The following RABGAP1L variants were observed in gnomAD, a reference collection of about 807,000 sequenced individuals.
RABGAP1L encodes RAB GTPase activating protein 1 like, also known as rab GTPase-activating protein 1-like.
In RABGAP1L, 63 loss-of-function variants were observed where a neutral mutation model predicts 137.7. The ratio of observed to expected loss-of-function variants is 0.46; its 90% confidence interval spans 0.37 to 0.56. The LOEUF (loss-of-function observed/expected upper bound fraction) is 0.56, where lower values mean the gene tolerates loss of function less well. RABGAP1L is among the 20% of genes least tolerant of loss of function. The pLI, the probability that RABGAP1L is intolerant of heterozygous loss-of-function variation, is 0.00. For synonymous variants in RABGAP1L, 431 were observed against 433.7 expected (o/e 0.99, Z 0.08); for missense variants, 1,095 against 1,244.0 (o/e 0.88, Z 1.80).
At chr1:174,746,637 A>T (rs1683888875) in intron 17 of RABGAP1L, among the ~76,000 whole-genome samples, 1 of 152,258 alleles carries the variant, frequency 6.6e-6, no homozygotes, top group Non-Finnish European at 1.5e-5. Flanking sequence ...ATATCCAAAT[A>T]AGAGATTTAT....
intron 14 of RABGAP1L, among the ~76,000 whole-genome samples, chr1:174,659,112 A>C (rs1454049151): frequency 6.6e-6 from 1 of 152,160 alleles, no homozygotes; most frequent in East Asian, 1.9e-4. Flanking sequence ...GACATCAGCC[A>C]GTCATTACTG....
At chr1:174,664,692 G>GTTCT (rs1210075370) in intron 14 of RABGAP1L, among the ~76,000 whole-genome samples, 1 of 139,882 alleles carries the variant, frequency 7.1e-6, no homozygotes. Flanking sequence ...TGTGATTATG[G>GTTCT]TTCTTTCTCT....
intron 19 of RABGAP1L, chr1:174,874,558 G>A: frequency 1.3e-6 from 1 of 744,160 alleles, no homozygotes; most frequent in Non-Finnish European, 1.6e-6. Flanking sequence ...TTGATCTCAG[G>A]TAATTCTCCA....
chr1:174,372,917 A>G (rs1685221754), intron 12 of RABGAP1L, among the ~76,000 whole-genome samples: 1 of 152,178 alleles, frequency 6.6e-6, no homozygotes, highest in Admixed American at 6.5e-5. Context: ...AGCCTAGTCA[A>G]AGACAAAGGC....
Position 174,991,753 on chromosome 1 carries a change from C to T in RABGAP1L, c.*1752C>T, listed in dbSNP as rs934376842. ...TCTGTGTTGGCTTTAACATTCTCTA[C>T]ATGGTGGTCTAGATAAGCTAATTTT... On this transcript the variant is annotated 3_prime_UTR_variant, in exon 26 of 26. Transcript: ENST00000681986. 7 of 149,956 alleles carry T rather than the reference C, an allele frequency of 4.7e-5. No homozygotes were observed. The highest frequency in any genetic ancestry group is 7.4e-5 in the African/African-American group (3 of 40,478). The allele number at this position is 149,956 out of a possible 1,614,324, so 9.3% of individuals were successfully genotyped here.
At chr1:174,651,199 A>G (rs1218567757) in intron 14 of RABGAP1L, among the ~76,000 whole-genome samples, 1 of 151,380 alleles carries the variant, frequency 6.6e-6, no homozygotes, top group Non-Finnish European at 1.5e-5. Flanking sequence ...GGTCTGAGAG[A>G]CAGTTTGTTA....
intron 18 of RABGAP1L, among the ~76,000 whole-genome samples, chr1:174,777,216 G>A (rs983240655): frequency 2.6e-5 from 4 of 152,262 alleles, no homozygotes; most frequent in East Asian, 1.9e-4. Context: ...GTGATGGTAT[G>A]TGGAGATAGC....
chr1:174,524,188 T>TG (rs1309290604), intron 13 of RABGAP1L, among the ~76,000 whole-genome samples: 1 of 148,802 alleles, frequency 6.7e-6, no homozygotes, highest in African/African-American at 2.4e-5. Context: ...GTTCTATTGT[T>TG]GTTGTTGTTG....
Position 174,159,632 on chromosome 1 carries a change from G to C in RABGAP1L, c.-59G>C, listed in dbSNP as rs1429805476. 2 of 152,310 alleles carry C rather than the reference G, an allele frequency of 1.3e-5. No individual in the cohort carries two copies. Among genetic ancestry groups the C allele is most frequent in the African/African-American group, 4.8e-5 (2 of 41,458 alleles). 9.4% of individuals were successfully genotyped at this position (152,310 alleles called of 1,614,324 possible). A position where few individuals can be genotyped will look rare whatever the true frequency, so the allele number is the denominator to read the frequency against. On this transcript the variant is annotated 5_prime_UTR_variant, in exon 1 of 26. Coordinates refer to ENST00000681986, the MANE Select transcript of RABGAP1L (RefSeq NM_001366446.1). ...GGGCGCCTGAAGGAGTTGTTGTCTC[G>C]GCAGCGCCCGCGGAGACGTGAAGAG...
At chr1:174,946,919 T>A (rs58442338) in intron 19 of RABGAP1L, among the ~76,000 whole-genome samples, 9,650 of 36,530 alleles carry the variant, frequency 0.26, 1,285 homozygotes, top group African/African-American at 0.47. Flanking sequence ...AAAAAAAAAA[T>A]ATATATATAT....
intron 19 of RABGAP1L, among the ~76,000 whole-genome samples, chr1:174,864,634 C>A (rs905962820): frequency 6.6e-6 from 1 of 152,188 alleles, no homozygotes; most frequent in African/African-American, 2.4e-5. Context: ...ATCTGGTCAC[C>A]TCCCATGAGG....
At chr1:174,385,298 C>T (rs1308042657) in intron 12 of RABGAP1L, among the ~76,000 whole-genome samples, 1 of 152,146 alleles carries the variant, frequency 6.6e-6, no homozygotes, top group Non-Finnish European at 1.5e-5. Flanking sequence ...CCACTGATGT[C>T]AGAGTTTTTG....
At chr1:174,603,591 T>C (rs1410897359) in intron 13 of RABGAP1L, among the ~76,000 whole-genome samples, 1 of 152,124 alleles carries the variant, frequency 6.6e-6, no homozygotes, top group East Asian at 1.9e-4. Flanking sequence ...GACAAAGTCT[T>C]TCCCACTCTT....
chr1:174,939,570 A>C (rs1211475032), intron 19 of RABGAP1L, among the ~76,000 whole-genome samples: 1 of 152,086 alleles, frequency 6.6e-6, no homozygotes, highest in Non-Finnish European at 1.5e-5. Flanking sequence ...AAAGAAAAAA[A>C]GAAATGAGTT....
intron 15 of RABGAP1L, among the ~76,000 whole-genome samples, chr1:174,686,950 C>T (rs887732184): frequency 5.3e-5 from 8 of 151,944 alleles, no homozygotes; most frequent in East Asian, 3.9e-4. Flanking sequence ...TGAGCCACCA[C>T]GCCTGGCCAC....
chr1:174,254,553 G>A (rs536025712), intron 7 of RABGAP1L, among the ~76,000 whole-genome samples: 3 of 152,202 alleles, frequency 2.0e-5, no homozygotes, highest in Non-Finnish European at 2.9e-5. Flanking sequence ...TGTTCTCATC[G>A]TTCAGCTCCC....
chr1:174,344,644 A>G (rs74128362), intron 11 of RABGAP1L, among the ~76,000 whole-genome samples: 5,283 of 152,344 alleles, frequency 0.035, 121 homozygotes, highest in Middle Eastern at 0.088. Context: ...AATCCCTATA[A>G]TACCTTGTGA....
At chr1:174,254,451 A>G (rs1429340228) in intron 7 of RABGAP1L, among the ~76,000 whole-genome samples, 1 of 152,066 alleles carries the variant, frequency 6.6e-6, no homozygotes, top group Non-Finnish European at 1.5e-5. Flanking sequence ...TAAGCCACAC[A>G]TGCATTACCT....
In RABGAP1L at chr1:174,992,537, AT is replaced by A. The variant is rs553018185; in HGVS notation, c.*2550del. On this transcript the variant is annotated 3_prime_UTR_variant, in exon 26 of 26. Transcript: ENST00000681986. ...TCAAAAGATTACGAGGGCAATACAT[AT>A]TTTTTTTTTTTTTATTCTCCAGCCC... The A allele has an allele frequency of 0.011, 1,631 of 144,290 alleles. 9 individuals carry two copies. The highest frequency in any genetic ancestry group is 0.019 in the African/African-American group (764 of 39,704). 8.9% of individuals were successfully genotyped at this position (144,290 alleles called of 1,614,324 possible). A position where few individuals can be genotyped will look rare whatever the true frequency, so the allele number is the denominator to read the frequency against.
Sources: gnomAD v4.1 joint callset for allele counts (sites outside exome capture counted in the v4.1 genomes callset) on GRCh38, gnomAD v4.1.1 for gene constraint, MANE v1.5 for transcripts, NCBI Gene and HGNC (gene_info 2026-07-23, HGNC 2026-07-21) for gene names.